TSBP1: variants seen among roughly 807,000 people sequenced by gnomAD.
The protein encoded by TSBP1 is testis expressed basic protein 1.
Under a neutral mutation model 68.8 loss-of-function variants are expected in TSBP1, and 56 were observed. That is an observed-to-expected ratio of 0.81 (90% CI 0.66 to 1.02). The LOEUF (loss-of-function observed/expected upper bound fraction) is 1.02, where lower values mean the gene tolerates loss of function less well. Ranked by LOEUF, TSBP1 falls within the 50% of genes least tolerant of loss-of-function variation. The probability of loss-of-function intolerance (pLI) is 0.00; values close to 1 mark genes in which losing one functional copy is unlikely to be tolerated. For synonymous variants in TSBP1, 171 were observed against 208.7 expected (o/e 0.82, Z 1.56); for missense variants, 502 against 641.2 (o/e 0.78, Z 2.34).
At position 32,304,229 on chromosome 6, in the gene TSBP1, A is replaced by G. The variant is rs1480451756; in HGVS notation, c.581-1600T>C. On this transcript the variant is annotated intron_variant, in intron 19 of 22. Transcript: ENST00000612031. The surrounding 1 kb of genome is among the most constrained non-coding windows in gnomAD (Gnocchi z 4.8). Reference sequence around the variant, plus strand: ...AAAGAAAGACCCAAACTAAACCAAAATAGAAACCAAAAACAACAAAAGTGT... The same window carrying G: ...AAAGAAAGACCCAAACTAAACCAAAGTAGAAACCAAAAACAACAAAAGTGT... Among the ~76,000 whole-genome samples the G allele has an allele frequency of 6.6e-6, 1 of 152,212 alleles. No homozygotes were observed. The highest frequency in any genetic ancestry group is 1.9e-4 in the East Asian group (1 of 5,198).
At chr6:32,355,824 T>A in intron 6 of TSBP1, 155 bp from the exon 7 acceptor site, 1 of 917,972 alleles carries the variant, frequency 1.1e-6, no homozygotes, top group Non-Finnish European at 1.5e-6. Context: ...TTTATAAGTT[T>A]AATGACATTA....
intron 6 of TSBP1, 122 bp downstream of exon 6, chr6:32,366,045 C>G: frequency 2.2e-6 from 3 of 1,365,086 alleles, no homozygotes; most frequent in Non-Finnish European, 3.0e-6. Context: ...TCAGAATATT[C>G]TGTAACTACT....
rs1024674950 is a variant in TSBP1, at chr6:32,365,382, C to G, written c.217+785G>C. ...TTGTCCATGGTGGCTCATTTGGGGACTCAGCCTAGATGGGAGAGTGAAATG... is the reference window on the plus strand; with the variant it reads ...TTGTCCATGGTGGCTCATTTGGGGAGTCAGCCTAGATGGGAGAGTGAAATG... On this transcript the variant is annotated intron_variant, in intron 6 of 22. Transcript: ENST00000612031. This position sits in a 1 kb window ranked among gnomAD's most constrained non-coding sequence, Gnocchi z 4.3. The G allele has an allele frequency of 6.6e-6, 3 of 457,168 alleles. No homozygotes were observed. The highest frequency in any genetic ancestry group is 6.0e-5 in the African/African-American group (3 of 50,044). The allele number at this position is 457,168 out of a possible 1,614,324, so 28.3% of individuals were successfully genotyped here.
At chr6:32,367,315 G>A (rs989413316) in intron 4 of TSBP1, among the ~76,000 whole-genome samples, 3 of 151,458 alleles carry the variant, frequency 2.0e-5, no homozygotes, top group African/African-American at 7.3e-5. Flanking sequence ...CCTGGTGAGT[G>A]GATACTGAAA....
chr6:32,353,375 T>G (rs1248378825), intron 8 of TSBP1, among the ~76,000 whole-genome samples: 1 of 151,912 alleles, frequency 6.6e-6, no homozygotes, highest in Non-Finnish European at 1.5e-5. Context: ...GTATAAGAAT[T>G]AATGCAGCAA....
chr6:32,293,490 C>T, exon 23 of TSBP1: 1 of 1,610,984 alleles, frequency 6.2e-7, no homozygotes. Context: ...ACCTGGGCTT[C>T]CTGTCCCTTT....
chr6:32,305,297 C>T lies in TSBP1; in HGVS notation c.581-2668G>A, dbSNP rs866638102. Reference sequence around the variant, plus strand: ...TAGCAGGAGACAAGATAAGGGTAATCACTCCAGCACCTGGACCCATTTAGA... The same window carrying T: ...TAGCAGGAGACAAGATAAGGGTAATTACTCCAGCACCTGGACCCATTTAGA... On this transcript the variant is annotated intron_variant, in intron 19 of 22. Transcript: ENST00000612031. Among the ~76,000 whole-genome samples the T allele has an allele frequency of 3.1e-4, 47 of 152,266 alleles. 1 individual carries two copies. The highest frequency in any genetic ancestry group is 1.1e-3 in the African/African-American group (46 of 41,540).
intron 19 of TSBP1, among the ~76,000 whole-genome samples, chr6:32,308,867 G>GT (rs1024414803): frequency 1.3e-5 from 2 of 150,328 alleles, no homozygotes; most frequent in Admixed American, 6.6e-5. Flanking sequence ...TGTCTCTAAG[G>GT]TTTTTTTCCC....
intron 19 of TSBP1, among the ~76,000 whole-genome samples, chr6:32,308,299 C>CTT (rs9281732): frequency 0.062 from 9,429 of 151,532 alleles, 449 homozygotes; most frequent in Non-Finnish European, 0.11. Context: ...CATATTTAGA[C>CTT]TTTTTTAACC....
At position 32,349,748 on chromosome 6, in the gene TSBP1, G is replaced by T. The variant is rs1771504164; in HGVS notation, c.341C>A (p.Ser114Ter). ...AAAGTAAAGGAACTTACCAATACTTGATCGAGACAGTGCTAAAATAAAACA... is the reference window on the plus strand; with the variant it reads ...AAAGTAAAGGAACTTACCAATACTTTATCGAGACAGTGCTAAAATAAAACA... The change falls in exon 9 of 23, where the codon TCA (serine) becomes TAA (stop). Residue 114 changes from serine to a stop codon, truncating the protein, a stop_gained. Coordinates refer to ENST00000612031, the Ensembl canonical transcript of TSBP1. LOFTEE classifies it high-confidence loss of function. The T allele has an allele frequency of 6.3e-7, 1 of 1,594,598 alleles. No individual in the cohort carries two copies. Among genetic ancestry groups the T allele is most frequent in the South Asian group, 1.1e-5 (1 of 90,628 alleles).
intron 19 of TSBP1, among the ~76,000 whole-genome samples, chr6:32,303,890 A>G (rs1391876964): frequency 1.3e-5 from 2 of 152,016 alleles, no homozygotes; most frequent in Non-Finnish European, 2.9e-5. Context: ...CATTTGCTAC[A>G]TCTTCTAGTT....
rs930309644 is a variant in TSBP1 at position 32,338,541 on chromosome 6, G to C, written c.409+438C>G. On this transcript the variant is annotated intron_variant, in intron 11 of 22. Coordinates refer to ENST00000612031, the Ensembl canonical transcript of TSBP1. This position sits in a 1 kb window ranked among gnomAD's most constrained non-coding sequence, Gnocchi z 5.5. Reference sequence around the variant, plus strand: ...GATACTTATTTCAGATTTATTCTTTGTTCATAACAGGGGATATACATCCCA... The same window carrying C: ...GATACTTATTTCAGATTTATTCTTTCTTCATAACAGGGGATATACATCCCA... Among the ~76,000 whole-genome samples, 7 of 151,794 alleles carry C rather than the reference G, an allele frequency of 4.6e-5. No homozygotes were observed. Among genetic ancestry groups the C allele is most frequent in the African/African-American group, 1.7e-4 (7 of 41,258 alleles).
At chr6:32,351,594 T>A (rs1280400647) in intron 8 of TSBP1, among the ~76,000 whole-genome samples, 1 of 152,140 alleles carries the variant, frequency 6.6e-6, no homozygotes, top group African/African-American at 2.4e-5. Flanking sequence ...CTACAGTTTG[T>A]TGTTAGATAT....
chr6:32,324,794 T>TAA (rs1554194513), intron 16 of TSBP1: 32 of 1,416,376 alleles, frequency 2.3e-5, no homozygotes, highest in Middle Eastern at 4.9e-4. Context: ...TTTTTTTTTT[T>TAA]AATCAAAGGC....
intron 22 of TSBP1, among the ~76,000 whole-genome samples, chr6:32,297,149 T>C (rs967667819): frequency 9.9e-5 from 15 of 152,178 alleles, no homozygotes; most frequent in African/African-American, 3.6e-4. Context: ...GTTCTTTTCT[T>C]CCTTCTCCCA....
intron 19 of TSBP1, among the ~76,000 whole-genome samples, chr6:32,305,644 T>A (rs1438351586): frequency 6.6e-6 from 1 of 152,116 alleles, no homozygotes; most frequent in Non-Finnish European, 1.5e-5. Context: ...TACAGGTGTG[T>A]GCCACCACAC....
At chr6:32,328,039 C>T (rs112838474) in intron 16 of TSBP1, among the ~76,000 whole-genome samples, 3,453 of 151,716 alleles carry the variant, frequency 0.023, 140 homozygotes, top group African/African-American at 0.078. Flanking sequence ...CTCCTGACTT[C>T]GTGATCTGCC....
chr6:32,323,634 C>T lies in TSBP1; in HGVS notation c.515-20G>A. 1 of 1,611,330 alleles carries T rather than the reference C, an allele frequency of 6.2e-7. No homozygotes were observed. Among genetic ancestry groups the T allele is most frequent in the Non-Finnish European group, 8.5e-7 (1 of 1,178,662 alleles). On this transcript the variant is annotated intron_variant, in intron 16 of 22. Transcript: ENST00000612031. ...GACCAGCTGAAAAACAGAGAGGTAT[C>T]TTAGCAACTGTTTTTTCTCCCATGA...
chr6:32,322,548 A>G (rs756432461), intron 18 of TSBP1, 42 bp from the exon 20 acceptor site: 1 of 1,431,828 alleles, frequency 7.0e-7, no homozygotes, highest in Non-Finnish European at 9.9e-7. Flanking sequence ...TTTTTCTCAA[A>G]TAGAAAACAC....
Sources: allele counts gnomAD v4.1 joint callset (sites outside exome capture counted in the v4.1 genomes callset), GRCh38; gene constraint gnomAD v4.1.1; non-coding constraint Gnocchi (gnomAD v3.1); transcripts MANE v1.5; gene names NCBI Gene and HGNC (gene_info 2026-07-23, HGNC 2026-07-21).